APOOL: variants seen among roughly 807,000 people sequenced by gnomAD.
APOOL encodes the protein MICOS complex subunit MIC27.
In APOOL, 12 loss-of-function variants were observed where a neutral mutation model predicts 23.1. The observed-to-expected ratio is 0.52, with a 90% confidence interval of 0.33 to 0.84. The LOEUF is 0.84. APOOL is among the 40% of genes least tolerant of loss of function. The pLI, the probability that APOOL is intolerant of heterozygous loss-of-function variation, is 0.02. For synonymous variants in APOOL, 77 were observed against 69.9 expected, an observed-to-expected ratio of 1.10 and a Z score of -0.51; for missense variants, 212 against 199.6, an observed-to-expected ratio of 1.06 and a Z score of -0.37.
In APOOL at chrX:85,022,281, A is replaced by G. The variant is rs191409731; in HGVS notation, c.15+18354A>G. On this transcript the variant is annotated intron_variant, in intron 1 of 8. Coordinates refer to ENST00000373173, the MANE Select transcript of APOOL (RefSeq NM_198450.6). ...TACAAAAGCCAGACAAGGATACAACAAGAAAAGAAAATTACAGGTCAGTAT... is the reference window on the plus strand; with the variant it reads ...TACAAAAGCCAGACAAGGATACAACGAGAAAAGAAAATTACAGGTCAGTAT... 6.0e-3 allele frequency among the ~76,000 whole-genome samples: 675 copies of G among 112,305 alleles called. 5 individuals carry two copies. The highest frequency in any genetic ancestry group is 0.021 in the African/African-American group (637 of 30,875).
intron 1 of APOOL, among the ~76,000 whole-genome samples, chrX:85,013,263 C>T (rs979592382): frequency 1.8e-5 from 2 of 111,633 alleles, no homozygotes; most frequent in African/African-American, 3.2e-5. Context: ...TTTTCTTAAT[C>T]GTTTCAAATA....
chrX:85,037,642 C>T lies in APOOL; in HGVS notation c.16-8804C>T, dbSNP rs775707955. Among the ~76,000 whole-genome samples, 3 of 111,278 alleles carry T rather than the reference C, an allele frequency of 2.7e-5. No homozygotes were observed. In the South Asian group the frequency reaches 1.1e-3, roughly 42 times the overall value. ...CTGGTGTAAAACTAGGCACATAGAC[C>T]AATGGAACAGAATAGAGAACCCAGA... On this transcript the variant is annotated intron_variant, in intron 1 of 8. Transcript: ENST00000373173.
rs1924370459 is a variant in APOOL at position 85,087,850 on chromosome X, A to T, written c.*172A>T. On this transcript the variant is annotated 3_prime_UTR_variant, in exon 9 of 9. Transcript: ENST00000373173. ...GATAAATTACATAAGTGGTTAACACACAAACTGTGAATGCAGTGTAAACAA... is the reference window on the plus strand; with the variant it reads ...GATAAATTACATAAGTGGTTAACACTCAAACTGTGAATGCAGTGTAAACAA... 1 of 392,508 alleles carries T rather than the reference A, an allele frequency of 2.5e-6. No homozygotes were observed. Among genetic ancestry groups the T allele is most frequent in the Non-Finnish European group, 4.3e-6 (1 of 230,512 alleles). 32.3% of individuals were successfully genotyped at this position (392,508 alleles called of 1,213,427 possible). A position where few individuals can be genotyped will look rare whatever the true frequency, so the allele number is the denominator to read the frequency against.
At chrX:85,079,647 A>G (rs1231967955) in intron 8 of APOOL, among the ~76,000 whole-genome samples, 1 of 111,659 alleles carries the variant, frequency 9.0e-6, no homozygotes, top group South Asian at 3.8e-4. Context: ...ATTGATTGGA[A>G]TAGTTTCAGA....
At chrX:85,084,625 T>G (rs925280163) in intron 8 of APOOL, among the ~76,000 whole-genome samples, 1 of 110,576 alleles carries the variant, frequency 9.0e-6, no homozygotes, top group Non-Finnish European at 1.9e-5. Flanking sequence ...AGGAAGAGCT[T>G]TACAGGGGAT....
intron 8 of APOOL, 121 bp from the exon 9 acceptor site, chrX:85,087,469 C>A: frequency 3.7e-6 from 2 of 533,374 alleles, no homozygotes; most frequent in Non-Finnish European, 6.1e-6. Flanking sequence ...TCTCACCTAA[C>A]TCAAATGTTA....
chrX:85,030,938 A>G (rs1291720403), intron 1 of APOOL, among the ~76,000 whole-genome samples: 2 of 111,960 alleles, frequency 1.8e-5, no homozygotes, highest in Non-Finnish European at 3.8e-5. Context: ...TAAAAATAAT[A>G]AAATAATTTT....
chrX:85,004,027 G>C, intron 1 of APOOL, 100 bp downstream of exon 1: 1 of 1,048,224 alleles, frequency 9.5e-7, no homozygotes, highest in Non-Finnish European at 1.3e-6. Flanking sequence ...CTGAAACAAG[G>C]GGCAGGGTGG....
chrX:85,060,190 A>C (rs1294152575), intron 5 of APOOL, among the ~76,000 whole-genome samples: 5 of 105,039 alleles, frequency 4.8e-5, no homozygotes, highest in African/African-American at 1.4e-4. Flanking sequence ...ATAGTTGTAG[A>C]TATGTGGCAT....
At chrX:85,048,244 G>C (rs1922643463) in intron 2 of APOOL, among the ~76,000 whole-genome samples, 1 of 110,390 alleles carries the variant, frequency 9.1e-6, no homozygotes, top group Admixed American at 9.7e-5. Flanking sequence ...TTAATGGTCT[G>C]GGGTAGACTC....
At chrX:85,068,213 T>C (rs1006122111) in intron 6 of APOOL, among the ~76,000 whole-genome samples, 2 of 111,014 alleles carry the variant, frequency 1.8e-5, no homozygotes, top group Admixed American at 9.7e-5. Context: ...AATGCTAGTA[T>C]TGAAAGAAAC....
At chrX:85,034,461 T>TG (rs930749350) in intron 1 of APOOL, among the ~76,000 whole-genome samples, 5 of 111,749 alleles carry the variant, frequency 4.5e-5, no homozygotes, top group African/African-American at 1.6e-4. Context: ...CCTGTTTGTT[T>TG]TTTTTTTAAT....
intron 5 of APOOL, among the ~76,000 whole-genome samples, chrX:85,063,367 C>A (rs1923312667): frequency 9.0e-6 from 1 of 110,919 alleles, no homozygotes; most frequent in Non-Finnish European, 1.9e-5. Flanking sequence ...TTTTATCTTG[C>A]CTAATTGCCC....
chrX:85,057,965 G>A (rs984071767), intron 5 of APOOL, among the ~76,000 whole-genome samples: 1 of 111,128 alleles, frequency 9.0e-6, no homozygotes, highest in African/African-American at 3.3e-5. Flanking sequence ...TCAAATGTCA[G>A]AGCTAGAATA....
intron 2 of APOOL, 48 bp downstream of exon 2, chrX:85,046,598 C>A: frequency 1.0e-6 from 1 of 985,835 alleles, no homozygotes; most frequent in Non-Finnish European, 1.4e-6. Context: ...ATCAAGATGA[C>A]ACAAAAGCTA....
chrX:85,091,673 TAC>T lies in APOOL; in HGVS notation c.*3997_*3998del, dbSNP rs1184292065. 9.0e-6 allele frequency: 1 copy of T among 111,718 alleles called. No individual in the cohort carries two copies. The highest frequency in any genetic ancestry group is 3.2e-5 in the African/African-American group (1 of 30,780). The allele number at this position is 111,718 out of a possible 1,213,427, so 9.2% of individuals were successfully genotyped here. A position where few individuals can be genotyped will look rare whatever the true frequency, so the allele number is the denominator to read the frequency against. ...TATGTGGTATCTTCCCTAAGATAAGTACAACCAAAGAGCTATGGATGTTCAGA... is the reference window on the plus strand; with the variant it reads ...TATGTGGTATCTTCCCTAAGATAAGTAACCAAAGAGCTATGGATGTTCAGA... On this transcript the variant is annotated 3_prime_UTR_variant, in exon 9 of 9. Coordinates refer to ENST00000373173, the MANE Select transcript of APOOL (RefSeq NM_198450.6).
chrX:85,032,542 A>G (rs1296106990), intron 1 of APOOL, among the ~76,000 whole-genome samples: 1 of 110,869 alleles, frequency 9.0e-6, no homozygotes, highest in African/African-American at 3.3e-5. Context: ...TTTAAAAAAG[A>G]TGTTTAATTG....
chrX:85,087,610 G>C lies in APOOL; in HGVS notation c.739G>C (p.Asp247His), dbSNP rs765221837. Residue 247 changes from aspartate to histidine, a missense_variant, in exon 9 of 9, where the codon GAC becomes CAC. Transcript: ENST00000373173. The stretch of plus-strand genomic sequence containing the variant: ...ATCAGGTGCAACCCAGTTTATGCCT[G>C]ACCCCAAGCTCATGGATCACGGGCA... Reference protein sequence around the residue: ...STSGATQFMPDPKLMDHGQSH... With the variant: ...STSGATQFMPHPKLMDHGQSH... The C allele has an allele frequency of 3.3e-6, 4 of 1,200,844 alleles. No homozygotes were observed. The South Asian group carries it at 7.3e-5, about 22-fold the overall frequency.
intron 6 of APOOL, among the ~76,000 whole-genome samples, chrX:85,068,119 C>T (rs1923530700): frequency 8.9e-6 from 1 of 111,887 alleles, no homozygotes; most frequent in Non-Finnish European, 1.9e-5. Context: ...CTACTTATAC[C>T]TGAAATAATT....
Sources: gnomAD v4.1 joint callset for allele counts (sites outside exome capture counted in the v4.1 genomes callset) on GRCh38, gnomAD v4.1.1 for gene constraint, MANE v1.5 for transcripts, NCBI Gene and HGNC (gene_info 2026-07-23, HGNC 2026-07-21) for gene names.